Variants in SKAP1 observed in about 807,000 individuals in gnomAD.
The protein encoded by SKAP1 is src kinase associated phosphoprotein 1, also known as src kinase-associated phosphoprotein 1.
In SKAP1, 44 loss-of-function variants were observed where a neutral mutation model predicts 58.5. The ratio of observed to expected loss-of-function variants is 0.75; its 90% CI spans 0.59 to 0.97. The LOEUF is 0.97. Ranked by LOEUF, SKAP1 falls within the 50% of genes least tolerant of loss-of-function variation. SKAP1 has a pLI of 0.00. For missense variants in SKAP1, 390 were observed against 435.2 expected, an observed-to-expected ratio of 0.90 and a Z score of 0.92; for synonymous variants, 127 against 149.7, an observed-to-expected ratio of 0.85 and a Z score of 1.11.
At chr17:48,238,688 A>G (rs575585554) in intron 4 of SKAP1, among the ~76,000 whole-genome samples, 5 of 152,338 alleles carry the variant, frequency 3.3e-5, no homozygotes, top group Admixed American at 2.0e-4. Context: ...AGGTTTAAAT[A>G]GTCAAGGCCT....
At chr17:48,367,536 G>GTATATATATATATGGATATATATCAA (rs2067021236) in intron 2 of SKAP1, among the ~76,000 whole-genome samples, 2 of 135,602 alleles carry the variant, frequency 1.5e-5, no homozygotes, top group Non-Finnish European at 1.6e-5. Flanking sequence ...GTATGTGTGT[G>GTATATATATATATGGATATATATCAA]TATATATATA....
At chr17:48,269,057 T>G (rs1277009022) in intron 4 of SKAP1, among the ~76,000 whole-genome samples, 1 of 152,008 alleles carries the variant, frequency 6.6e-6, no homozygotes, top group Non-Finnish European at 1.5e-5. Flanking sequence ...ATATAATAAA[T>G]AATGCACCAC....
intron 4 of SKAP1, among the ~76,000 whole-genome samples, chr17:48,202,110 A>G (rs1336816553): frequency 6.6e-6 from 1 of 152,214 alleles, no homozygotes; most frequent in Non-Finnish European, 1.5e-5. Flanking sequence ...GTTGCTATCC[A>G]AAGCAAAAGA....
intron 4 of SKAP1, among the ~76,000 whole-genome samples, chr17:48,325,715 A>G (rs2066428732): frequency 1.3e-5 from 2 of 152,240 alleles, no homozygotes; most frequent in Non-Finnish European, 1.5e-5. Flanking sequence ...TTGGATTTCA[A>G]TTCTAGATAT....
intron 11 of SKAP1, among the ~76,000 whole-genome samples, chr17:48,141,703 C>G (rs1210402859): frequency 6.6e-6 from 1 of 152,166 alleles, no homozygotes; most frequent in Non-Finnish European, 1.5e-5. Context: ...ACAAAGTAGA[C>G]AAGGCCCTGC....
chr17:48,201,792 GA>G (rs1167901018), intron 4 of SKAP1, among the ~76,000 whole-genome samples: 4 of 152,188 alleles, frequency 2.6e-5, no homozygotes, highest in African/African-American at 9.6e-5. Context: ...ACAGGGTTCA[GA>G]AGAAACAATA....
At chr17:48,407,783 G>A (rs557886790) in intron 1 of SKAP1, among the ~76,000 whole-genome samples, 3 of 151,742 alleles carry the variant, frequency 2.0e-5, no homozygotes, top group South Asian at 2.1e-4. Context: ...GAGCCCAGGA[G>A]ATGAAGGCTT....
chr17:48,437,505 G>A, the SKAP1 span, among the ~76,000 whole-genome samples: 2 of 152,144 alleles, frequency 1.3e-5, no homozygotes, highest in African/African-American at 4.8e-5. Context: ...CACTTTGGGA[G>A]GCCAAGGCAG....
At chr17:48,163,756 C>T (rs1216111853) in intron 10 of SKAP1, among the ~76,000 whole-genome samples, 2 of 152,110 alleles carry the variant, frequency 1.3e-5, no homozygotes, top group Non-Finnish European at 2.9e-5. Context: ...GACACCCTCC[C>T]TATATTTGCT....
chr17:48,357,617 G>A (rs556118169), intron 3 of SKAP1, among the ~76,000 whole-genome samples: 41 of 151,772 alleles, frequency 2.7e-4, no homozygotes, highest in Non-Finnish European at 5.4e-4. Flanking sequence ...GTGACAGAGC[G>A]AGACTCTGTC....
chr17:48,157,449 G>A (rs1046597605), intron 11 of SKAP1, among the ~76,000 whole-genome samples: 9 of 151,908 alleles, frequency 5.9e-5, no homozygotes, highest in Non-Finnish European at 1.0e-4. Flanking sequence ...TGGCCAGGCT[G>A]GTCTTGAACT....
At chr17:48,343,670 C>A (rs188486049) in intron 4 of SKAP1, among the ~76,000 whole-genome samples, 588 of 152,264 alleles carry the variant, frequency 3.9e-3, no homozygotes, top group Non-Finnish European at 6.6e-3. Flanking sequence ...TTACCTCTTT[C>A]AACACAAATG....
Position 48,166,632 on chromosome 17 carries a change from T to C in SKAP1, c.877+3977A>G, listed in dbSNP as rs113011631. Among the ~76,000 whole-genome samples, 835 of 152,288 alleles carry C rather than the reference T, an allele frequency of 5.5e-3. 10 individuals are homozygous for C. Among genetic ancestry groups the C allele is most frequent in the African/African-American group, 0.019 (798 of 41,554 alleles). On this transcript the variant is annotated intron_variant, in intron 10 of 12. Transcript: ENST00000336915. ...CAGCATGTTATTTACATTTTCTTGA[T>C]TACTAAAATGATCGTGTCAATAAGG...
upstream of SKAP1, among the ~76,000 whole-genome samples, chr17:48,432,301 C>T (rs1187327235): frequency 4.6e-5 from 7 of 152,026 alleles, no homozygotes; most frequent in Non-Finnish European, 1.0e-4. Context: ...TGGTGGTGCA[C>T]GCCTGTAATC....
intron 11 of SKAP1, among the ~76,000 whole-genome samples, chr17:48,138,892 A>T (rs1333828915): frequency 7.3e-6 from 1 of 136,222 alleles, no homozygotes; most frequent in Non-Finnish European, 1.6e-5. Context: ...AATGAAAAAA[A>T]AATTTTTTTT....
chr17:48,276,679 C>T (rs548003984), intron 4 of SKAP1, among the ~76,000 whole-genome samples: 1 of 152,276 alleles, frequency 6.6e-6, no homozygotes, highest in African/African-American at 2.4e-5. Context: ...GTCAACTTCA[C>T]CCTGGGTCAG....
chr17:48,158,467 C>T (rs1415624982), intron 11 of SKAP1, among the ~76,000 whole-genome samples: 1 of 141,124 alleles, frequency 7.1e-6, no homozygotes, highest in Non-Finnish European at 1.5e-5. Flanking sequence ...ACTCGGGAGG[C>T]TGAGGCAGGA....
At chr17:48,438,936 T>C in the SKAP1 span, among the ~76,000 whole-genome samples, 1 of 151,512 alleles carries the variant, frequency 6.6e-6, no homozygotes, top group Non-Finnish European at 1.5e-5. Context: ...GAAAAGAGAG[T>C]GAATGAGAAG....
chr17:48,343,662 A>G (rs2066686042), intron 4 of SKAP1, among the ~76,000 whole-genome samples: 1 of 152,188 alleles, frequency 6.6e-6, no homozygotes, highest in South Asian at 2.1e-4. Flanking sequence ...TTCCAGATTT[A>G]CCTCTTTCAA....
Sources: gnomAD v4.1 joint callset for allele counts (sites outside exome capture counted in the v4.1 genomes callset) on GRCh38, gnomAD v4.1.1 for gene constraint, MANE v1.5 for transcripts, NCBI Gene and HGNC (gene_info 2026-07-23, HGNC 2026-07-21) for gene names.